Variants in NYAP2 observed in about 807,000 individuals in gnomAD.
NYAP2 encodes the protein neuronal tyrosine-phosphorylated phosphoinositide-3-kinase adaptor 2, also known as neuronal tyrosine-phosphorylated phosphoinositide-3-kinase adapter 2.
In NYAP2, 23 loss-of-function variants were observed where a neutral mutation model predicts 50.4. That is an observed-to-expected ratio of 0.46 (90% CI 0.33 to 0.65). NYAP2 has a LOEUF of 0.65. NYAP2 is among the 30% of genes least tolerant of loss of function. The pLI is 0.02. For synonymous variants in NYAP2, 394 were observed against 365.2 expected (o/e 1.08, Z -0.90); for missense variants, 885 against 861.0 (o/e 1.03, Z -0.35).
chr2:225,438,144 T>C (rs147140905), intron 3 of NYAP2, among the ~76,000 whole-genome samples: 2 of 152,332 alleles, frequency 1.3e-5, no homozygotes, highest in East Asian at 3.9e-4. Flanking sequence ...ATCTTATGTC[T>C]CTTGGATACT....
intron 4 of NYAP2, among the ~76,000 whole-genome samples, chr2:225,557,959 T>G (rs1691807032): frequency 6.6e-6 from 1 of 152,128 alleles, no homozygotes; most frequent in Non-Finnish European, 1.5e-5. Flanking sequence ...AGAGTACAAA[T>G]TTAAAAGATC....
intron 4 of NYAP2, among the ~76,000 whole-genome samples, chr2:225,537,254 TCA>T (rs1691368225): frequency 6.6e-6 from 1 of 152,178 alleles, no homozygotes; most frequent in Non-Finnish European, 1.5e-5. Flanking sequence ...CTGGCTCATT[TCA>T]CTTAACATAA....
chr2:225,407,929 A>G lies in NYAP2; in HGVS notation c.-17-935A>G, dbSNP rs1270044619. The stretch of plus-strand genomic sequence containing the variant: ...CTGCCAGTTCATACTTTTTAATGAT[A>G]ATATTAGCTAATAGTATTATATACT... On this transcript the variant is annotated intron_variant, in intron 2 of 6. Coordinates refer to ENST00000636099, the Ensembl canonical transcript of NYAP2. Among the ~76,000 whole-genome samples, 5 of 151,946 alleles carry G rather than the reference A, an allele frequency of 3.3e-5. No individual in the cohort carries two copies. In the East Asian group the frequency reaches 9.7e-4, roughly 29 times the overall value.
chr2:225,463,942 TAG>T (rs951869027), intron 3 of NYAP2, among the ~76,000 whole-genome samples: 1 of 152,184 alleles, frequency 6.6e-6, no homozygotes, highest in African/African-American at 2.4e-5. Context: ...AGAGCAGTTG[TAG>T]AGATTACAGC....
chr2:225,507,549 C>A (rs1238355499), intron 3 of NYAP2, among the ~76,000 whole-genome samples: 1 of 152,158 alleles, frequency 6.6e-6, no homozygotes, highest in Non-Finnish European at 1.5e-5. Context: ...AGAAAGTTAA[C>A]AACATGAGGG....
In NYAP2 at chr2:225,475,991, C is replaced by T. The variant is rs1254195089; in HGVS notation, c.222-37380C>T. ...TCCAATAAATAAGTGGAGTCAGAAC[C>T]TATTTAATGGAATAATTTATAAATG... On this transcript the variant is annotated intron_variant, in intron 3 of 6. Coordinates refer to ENST00000636099, the Ensembl canonical transcript of NYAP2. Among the ~76,000 whole-genome samples, 89 of 152,152 alleles carry T rather than the reference C, an allele frequency of 5.8e-4. 2 individuals carry two copies. Among genetic ancestry groups the T allele is most frequent in the Admixed American group, 5.8e-3 (89 of 15,264 alleles).
rs199912400 is a variant in NYAP2, at chr2:225,412,398, T to G, written c.221+3297T>G. ...CTTAGAGAAAGGGAAAAATTACTGT[T>G]AGAGTGTCCTTGAGTGGGTAGGAAA... On this transcript the variant is annotated intron_variant, in intron 3 of 6. Transcript: ENST00000636099. Among the ~76,000 whole-genome samples, 20 of 151,436 alleles carry G rather than the reference T, an allele frequency of 1.3e-4. No individual in the cohort carries two copies. In the East Asian group the frequency reaches 3.9e-3, roughly 29 times the overall value.
At chr2:225,401,623 A>T (rs923201237) in intron 2 of NYAP2, among the ~76,000 whole-genome samples, 1 of 152,022 alleles carries the variant, frequency 6.6e-6, no homozygotes, top group Non-Finnish European at 1.5e-5. Context: ...TCATCACAAT[A>T]AATATTTTCT....
At chr2:225,541,754 G>A (rs1464679508) in intron 4 of NYAP2, among the ~76,000 whole-genome samples, 1 of 152,094 alleles carries the variant, frequency 6.6e-6, no homozygotes, top group Admixed American at 6.6e-5. Flanking sequence ...TTTTGCTTGA[G>A]ATAGCTTTAG....
At chr2:225,516,366 G>A (rs147832273) in intron 4 of NYAP2, among the ~76,000 whole-genome samples, 5 of 152,166 alleles carry the variant, frequency 3.3e-5, no homozygotes, top group Admixed American at 1.3e-4. Flanking sequence ...TGTTAGACTT[G>A]GAAAAAATAC....
chr2:225,513,400 A>G (rs1690867776), exon 4 of NYAP2: 1 of 1,613,890 alleles, frequency 6.2e-7, no homozygotes, highest in Non-Finnish European at 8.5e-7. Flanking sequence ...CGAGGCCACG[A>G]AGGAAGTTAC....
intron 5 of NYAP2, among the ~76,000 whole-genome samples, chr2:225,593,931 G>T (rs552771561): frequency 3.0e-4 from 46 of 152,310 alleles, no homozygotes; most frequent in African/African-American, 1.1e-3. Flanking sequence ...GCTGAATGCT[G>T]AATCATTGCT....
chr2:225,636,454 C>G (rs1456250913), intron 6 of NYAP2, among the ~76,000 whole-genome samples: 1 of 151,308 alleles, frequency 6.6e-6, no homozygotes, highest in Non-Finnish European at 1.5e-5. Context: ...TCCCCTCTCC[C>G]TGTAATCATG....
At chr2:225,460,732 T>C (rs1689814756) in intron 3 of NYAP2, among the ~76,000 whole-genome samples, 1 of 152,208 alleles carries the variant, frequency 6.6e-6, no homozygotes, top group South Asian at 2.1e-4. Flanking sequence ...GATGAACATG[T>C]TACTCCTGTT....
At chr2:225,496,450 G>A (rs1278347854) in intron 3 of NYAP2, among the ~76,000 whole-genome samples, 2 of 151,996 alleles carry the variant, frequency 1.3e-5, no homozygotes, top group Non-Finnish European at 2.9e-5. Context: ...AACTACATGG[G>A]TTGCAATGAA....
the NYAP2 span, among the ~76,000 whole-genome samples, chr2:225,663,767 A>C: frequency 1.3e-5 from 2 of 152,100 alleles, no homozygotes; most frequent in Non-Finnish European, 2.9e-5. Context: ...CATGTTGGCC[A>C]GGATGGTCTT....
chr2:225,443,893 C>T (rs145694234), intron 3 of NYAP2, among the ~76,000 whole-genome samples: 249 of 152,254 alleles, frequency 1.6e-3, no homozygotes, highest in African/African-American at 5.6e-3. Flanking sequence ...CCAATTGAGT[C>T]GACATACTTT....
intron 4 of NYAP2, among the ~76,000 whole-genome samples, chr2:225,541,042 T>A (rs1691460168): frequency 6.6e-6 from 1 of 152,222 alleles, no homozygotes; most frequent in Non-Finnish European, 1.5e-5. Flanking sequence ...TGATGATCAA[T>A]GATGTTGGAC....
chr2:225,677,776 CTTAAA>C, the NYAP2 span, among the ~76,000 whole-genome samples: 10 of 152,188 alleles, frequency 6.6e-5, no homozygotes, highest in Admixed American at 2.6e-4. Context: ...TCTTGATCAT[CTTAAA>C]TTAATTTTTT....
Sources: gnomAD v4.1 joint callset for allele counts (sites outside exome capture counted in the v4.1 genomes callset) on GRCh38, gnomAD v4.1.1 for gene constraint, MANE v1.5 for transcripts, NCBI Gene and HGNC (gene_info 2026-07-23, HGNC 2026-07-21) for gene names.